Variants in EIF2AK2 observed in about 807,000 individuals in gnomAD.
The protein encoded by EIF2AK2 is eukaryotic translation initiation factor 2 alpha kinase 2.
In EIF2AK2, 40 loss-of-function variants were observed where a neutral mutation model predicts 70.5. That is an observed-to-expected ratio of 0.57 (90% CI 0.44 to 0.74). The LOEUF (loss-of-function observed/expected upper bound fraction) is 0.74, where lower values mean the gene tolerates loss of function less well. Among genes scored for constraint, EIF2AK2 ranks in the 30% least tolerant of loss-of-function variants. The probability of loss-of-function intolerance (pLI) is 0.00; values close to 1 mark genes in which losing one functional copy is unlikely to be tolerated. For missense variants in EIF2AK2, 555 were observed against 644.3 expected (o/e 0.86, Z 1.50); for synonymous variants, 198 against 220.9 (o/e 0.90, Z 0.92).
At chr2:37,127,649 T>G (rs1425483963) in intron 10 of EIF2AK2, among the ~76,000 whole-genome samples, 1 of 152,038 alleles carries the variant, frequency 6.6e-6, no homozygotes, top group African/African-American at 2.4e-5. Flanking sequence ...CCCACAACTG[T>G]GACCCCAGAG....
At chr2:37,135,028 G>C (rs564331795) in intron 10 of EIF2AK2, among the ~76,000 whole-genome samples, 1 of 152,100 alleles carries the variant, frequency 6.6e-6, no homozygotes, top group South Asian at 2.1e-4. Flanking sequence ...AGAATTACAG[G>C]GTTCTTTAGA....
At chr2:37,117,071 G>C (rs1226742165) in intron 13 of EIF2AK2, among the ~76,000 whole-genome samples, 1 of 151,910 alleles carries the variant, frequency 6.6e-6, no homozygotes, top group Non-Finnish European at 1.5e-5. Context: ...AAATTATCTG[G>C]GCATCATGGC....
chr2:37,103,869 T>G lies in EIF2AK2; in HGVS notation c.*3404A>C, dbSNP rs2148659114. Reference sequence around the variant, plus strand: ...AAAAAACATTTTTGGCTGGGTGCAGTGACTCATGCCTGTAATCTCAACACT... The same window carrying G: ...AAAAAACATTTTTGGCTGGGTGCAGGGACTCATGCCTGTAATCTCAACACT... On this transcript the variant is annotated 3_prime_UTR_variant, in exon 17 of 17. Coordinates refer to ENST00000233057, the MANE Select transcript of EIF2AK2 (RefSeq NM_001135651.3). The G allele has an allele frequency of 6.6e-6, 1 of 152,358 alleles. No individual in the cohort carries two copies. Among genetic ancestry groups the G allele is most frequent in the East Asian group, 1.9e-4 (1 of 5,176 alleles). 9.4% of individuals were successfully genotyped at this position (152,358 alleles called of 1,614,324 possible).
intron 15 of EIF2AK2, 110 bp from the exon 16 acceptor site, chr2:37,107,637 G>T (rs866451061): frequency 7.8e-7 from 1 of 1,277,738 alleles, no homozygotes; most frequent in East Asian, 2.3e-5. Flanking sequence ...GATTTTTTGG[G>T]AAAGTCTCTT....
At chr2:37,132,299 A>G (rs550661248) in intron 10 of EIF2AK2, among the ~76,000 whole-genome samples, 6 of 125,854 alleles carry the variant, frequency 4.8e-5, no homozygotes, top group African/African-American at 1.9e-4. Context: ...TGACCCTGAA[A>G]AAACAACTCT....
intron 11 of EIF2AK2, among the ~76,000 whole-genome samples, chr2:37,125,076 G>A (rs1425310060): frequency 6.6e-6 from 1 of 152,042 alleles, no homozygotes; most frequent in Non-Finnish European, 1.5e-5. Context: ...GCAATGGCAT[G>A]ATCTGGGCTC....
At chr2:37,150,121 T>C (rs1357633262) in intron 1 of EIF2AK2, among the ~76,000 whole-genome samples, 1 of 147,950 alleles carries the variant, frequency 6.8e-6, no homozygotes, top group Non-Finnish European at 1.5e-5. Context: ...AAGATAAATA[T>C]GTCCCAGAGG....
In EIF2AK2 at chr2:37,102,101, G is replaced by C. The variant is rs761796752; in HGVS notation, c.*5172C>G. The C allele has an allele frequency of 6.6e-6, 1 of 152,142 alleles. No homozygotes were observed. Among genetic ancestry groups the C allele is most frequent in the Non-Finnish European group, 1.5e-5 (1 of 68,074 alleles). The allele number at this position is 152,142 out of a possible 1,614,324, so 9.4% of individuals were successfully genotyped here. The stretch of plus-strand genomic sequence containing the variant: ...CAAAAAATTTAAAAATTAGTTGGGT[G>C]TGTTGGTGTATGCATGTAGTCCCAG... On this transcript the variant is annotated 3_prime_UTR_variant, in exon 17 of 17. Transcript: ENST00000233057.
At chr2:37,115,064 T>C (rs966651007) in intron 13 of EIF2AK2, among the ~76,000 whole-genome samples, 1 of 151,168 alleles carries the variant, frequency 6.6e-6, no homozygotes, top group Non-Finnish European at 1.5e-5. Flanking sequence ...TTTTTTTCTT[T>C]TGGGCCGGAG....
chr2:37,152,753 C>T (rs1675790766), intron 1 of EIF2AK2, among the ~76,000 whole-genome samples: 6 of 152,180 alleles, frequency 3.9e-5, no homozygotes, highest in South Asian at 2.1e-4. Flanking sequence ...CCTTATGAAC[C>T]GCTCTGAGTT....
intron 14 of EIF2AK2, among the ~76,000 whole-genome samples, chr2:37,109,953 C>A (rs969956249): frequency 6.6e-6 from 1 of 152,012 alleles, no homozygotes; most frequent in Non-Finnish European, 1.5e-5. Flanking sequence ...CTTGAAGGAG[C>A]AAAATGTTCT....
intron 11 of EIF2AK2, 62 bp downstream of exon 11, chr2:37,126,227 A>G: frequency 6.7e-7 from 1 of 1,495,628 alleles, no homozygotes; most frequent in Non-Finnish European, 8.9e-7. Context: ...GAAGCATAAA[A>G]AAGAATAGTG....
At chr2:37,118,431 G>C (rs1360840960) in intron 13 of EIF2AK2, among the ~76,000 whole-genome samples, 1 of 152,170 alleles carries the variant, frequency 6.6e-6, no homozygotes, top group African/African-American at 2.4e-5. Flanking sequence ...CCATGACACA[G>C]GGCACACACG....
chr2:37,114,924 T>G, intron 13 of EIF2AK2, 65 bp from the exon 14 acceptor site: 1 of 1,140,014 alleles, frequency 8.8e-7, no homozygotes. Flanking sequence ...ATGTCTTAAT[T>G]ATATACAGAA....
In EIF2AK2 at chr2:37,117,998, T is replaced by C. The variant is rs568127053; in HGVS notation, c.1248+1961A>G. On this transcript the variant is annotated intron_variant, in intron 13 of 16. Transcript: ENST00000233057. ...TGAGAGCCTGAAAAGTTATAGAAGA[T>C]GAAAGAAGTCTCAGTATCAAAGCTT... Among the ~76,000 whole-genome samples the C allele has an allele frequency of 4.6e-5, 7 of 152,216 alleles. No homozygotes were observed. The South Asian group carries it at 6.2e-4, about 14-fold the overall frequency.
Position 37,147,767 on chromosome 2 carries a change from G to T in EIF2AK2, c.40C>A (p.Leu14Ile). ...CCCTGCTTCTGACGGTATGTATTAA[G>T]TTCCTCCATGAAGAAACCTGCTGAA... ...DLSAGFFMEE[L>I]NTYRQKQGVV... The change falls in exon 3 of 17, where the codon CTT (leucine) becomes ATT (isoleucine). Residue 14 changes from leucine (L) to isoleucine (I), a missense_variant. By Grantham distance (5) the Leu-to-Ile change is conservative (BLOSUM62 2). This residue lies in a region of EIF2AK2 where 48 missense variants were observed against 77.1 expected (regional missense o/e 0.62). Coordinates refer to ENST00000233057, the MANE Select transcript of EIF2AK2 (RefSeq NM_001135651.3). The T allele has an allele frequency of 6.2e-7, 1 of 1,613,466 alleles. No homozygotes were observed. The highest frequency in any genetic ancestry group is 8.5e-7 in the Non-Finnish European group (1 of 1,179,684).
Position 37,154,335 on chromosome 2 carries a change from AAC to A in EIF2AK2, c.-184+2571_-184+2572del, listed in dbSNP as rs1405737504. 1.8e-3 allele frequency among the ~76,000 whole-genome samples: 275 copies of A among 151,942 alleles called. 3 individuals carry two copies. Among genetic ancestry groups the A allele is most frequent in the African/African-American group, 6.4e-3 (266 of 41,448 alleles). ...AGCGAAACTCCGTCTCAAAAAAAAA[AAC>A]AAAAACAAAACAAACAAACAAAAAA... On this transcript the variant is annotated intron_variant, in intron 1 of 16. Coordinates refer to ENST00000233057, the MANE Select transcript of EIF2AK2 (RefSeq NM_001135651.3).
At chr2:37,126,138 T>G in intron 11 of EIF2AK2, 151 bp downstream of exon 11, 3 of 1,008,776 alleles carry the variant, frequency 3.0e-6, no homozygotes, top group South Asian at 2.6e-5. Context: ...CATCTCGGAG[T>G]AAGCCAAACT....
intron 15 of EIF2AK2, among the ~76,000 whole-genome samples, chr2:37,108,817 G>T (rs1674050343): frequency 6.6e-6 from 1 of 152,190 alleles, no homozygotes; most frequent in South Asian, 2.1e-4. Flanking sequence ...TGATCTGCCT[G>T]CCTTGGCCTC....
Sources: gnomAD v4.1 joint callset for allele counts (sites outside exome capture counted in the v4.1 genomes callset) on GRCh38, gnomAD v4.1.1 for gene constraint, gnomAD v4.1.1 regional missense constraint, MANE v1.5 for transcripts, NCBI Gene and HGNC (gene_info 2026-07-23, HGNC 2026-07-21) for gene names.